Variants in LRRTM4 observed in about 807,000 individuals in gnomAD.
The protein encoded by LRRTM4 is leucine-rich repeat transmembrane neuronal protein 4.
Under a neutral mutation model 47.6 loss-of-function variants are expected in LRRTM4, and 25 were observed. The ratio of observed to expected loss-of-function variants is 0.53; its 90% CI spans 0.38 to 0.73. LRRTM4 has a LOEUF of 0.73. Among genes scored for constraint, LRRTM4 ranks in the 30% least tolerant of loss-of-function variants. The pLI, the probability that LRRTM4 is intolerant of heterozygous loss-of-function variation, is 0.00. For missense variants in LRRTM4, 638 were observed against 713.4 expected (o/e 0.89, Z 1.20); for synonymous variants, 311 against 269.5 (o/e 1.15, Z -1.51).
intron 3 of LRRTM4, among the ~76,000 whole-genome samples, chr2:77,383,574 T>C (rs1404659172): frequency 6.6e-6 from 1 of 152,084 alleles, no homozygotes; most frequent in African/African-American, 2.4e-5. Flanking sequence ...TAATACAAAG[T>C]AAATATGATT....
At chr2:76,785,425 C>G (rs530603128) in intron 3 of LRRTM4, among the ~76,000 whole-genome samples, 5 of 152,178 alleles carry the variant, frequency 3.3e-5, no homozygotes, top group Admixed American at 3.3e-4. Context: ...GGAGCACTTC[C>G]AGTAAAGGCA....
At chr2:77,450,441 A>T (rs1448482629) in intron 3 of LRRTM4, among the ~76,000 whole-genome samples, 1 of 152,162 alleles carries the variant, frequency 6.6e-6, no homozygotes, top group East Asian at 1.9e-4. Context: ...CTTAAACCTA[A>T]ATTTCAATCT....
intron 3 of LRRTM4, among the ~76,000 whole-genome samples, chr2:77,074,606 C>A (rs1352152727): frequency 6.6e-6 from 1 of 151,976 alleles, no homozygotes; most frequent in East Asian, 1.9e-4. Flanking sequence ...ATATATCTGG[C>A]TGGATATATT....
At position 76,748,892 on chromosome 2, in the gene LRRTM4, G is replaced by T. The variant is rs779403740; in HGVS notation, c.1576C>A (p.Pro526Thr). The change falls in exon 4 of 4, where the codon CCA becomes ACA. Residue 526 changes from proline to threonine, a missense_variant. By Grantham distance (38) the Pro-to-Thr change is conservative (BLOSUM62 -1). Coordinates refer to ENST00000409884, the MANE Select transcript of LRRTM4 (RefSeq NM_001134745.3). ...CEMPHHMKPL[P>T]YYSYDQPVIG... ...ACAGGCTGGTCATAGCTGTAATATG[G>T]CAAGGGCTTCATGTGGTGTGGCATC... 2 of 1,613,990 alleles carry T rather than the reference G, an allele frequency of 1.2e-6. No homozygotes were observed. The highest frequency in any genetic ancestry group is 8.5e-7 in the Non-Finnish European group (1 of 1,179,878).
At chr2:76,995,949 A>T (rs1423714435) in intron 3 of LRRTM4, among the ~76,000 whole-genome samples, 1 of 152,254 alleles carries the variant, frequency 6.6e-6, no homozygotes, top group Non-Finnish European at 1.5e-5. Flanking sequence ...AAACTCAGGG[A>T]GAAATAATTA....
At chr2:77,088,145 A>T (rs1680788243) in intron 3 of LRRTM4, among the ~76,000 whole-genome samples, 1 of 152,188 alleles carries the variant, frequency 6.6e-6, no homozygotes, top group South Asian at 2.1e-4. Context: ...ATTTATTTTG[A>T]TTACTAAATT....
chr2:76,908,199 C>A (rs1673918775), intron 3 of LRRTM4, among the ~76,000 whole-genome samples: 1 of 150,604 alleles, frequency 6.6e-6, no homozygotes, highest in East Asian at 2.0e-4. Flanking sequence ...ATACGCAAAT[C>A]AATAAATGTA....
At chr2:77,364,750 A>G (rs548513466) in intron 3 of LRRTM4, among the ~76,000 whole-genome samples, 28 of 152,212 alleles carry the variant, frequency 1.8e-4, no homozygotes. Flanking sequence ...AAGGGGGCAT[A>G]TAAAATGAGT....
intron 3 of LRRTM4, among the ~76,000 whole-genome samples, chr2:77,193,189 C>A: frequency 6.6e-6 from 1 of 152,074 alleles, no homozygotes. Context: ...TACAGGTTTG[C>A]AGCATAGGAG....
intron 3 of LRRTM4, among the ~76,000 whole-genome samples, chr2:77,199,415 C>T (rs1233181610): frequency 6.6e-6 from 1 of 152,100 alleles, no homozygotes; most frequent in East Asian, 1.9e-4. Flanking sequence ...AGTCTGTGAG[C>T]TTAACCATTT....
chr2:77,345,746 T>C (rs1031683807), intron 3 of LRRTM4, among the ~76,000 whole-genome samples: 5 of 151,892 alleles, frequency 3.3e-5, no homozygotes, highest in African/African-American at 1.2e-4. Context: ...TTGGAAGTTT[T>C]TTTTAAAGTT....
intron 3 of LRRTM4, among the ~76,000 whole-genome samples, chr2:77,079,661 T>G (rs1680467616): frequency 6.6e-6 from 1 of 152,184 alleles, no homozygotes; most frequent in Non-Finnish European, 1.5e-5. Flanking sequence ...CTCAAATATT[T>G]ATTGTGTGCT....
chr2:76,779,284 G>C (rs1458636502), intron 3 of LRRTM4, among the ~76,000 whole-genome samples: 14 of 150,182 alleles, frequency 9.3e-5, no homozygotes, highest in African/African-American at 2.2e-4. Context: ...GGTCTGCTTG[G>C]TGCAGAGCTG....
At chr2:77,341,405 C>T (rs1436498915) in intron 3 of LRRTM4, among the ~76,000 whole-genome samples, 1 of 151,938 alleles carries the variant, frequency 6.6e-6, no homozygotes, top group Non-Finnish European at 1.5e-5. Context: ...GTGAACTCTG[C>T]TTAGTTTGAC....
intron 3 of LRRTM4, among the ~76,000 whole-genome samples, chr2:76,906,069 G>A (rs1673826278): frequency 1.3e-5 from 2 of 152,074 alleles, no homozygotes; most frequent in African/African-American, 4.8e-5. Flanking sequence ...TTGAAATGAA[G>A]GAAAAAATGT....
chr2:77,082,600 T>A (rs1171152048), intron 3 of LRRTM4, among the ~76,000 whole-genome samples: 3 of 151,988 alleles, frequency 2.0e-5, no homozygotes. Context: ...CTTAATAAAG[T>A]GAAAAACAGT....
chr2:77,044,074 A>C (rs1193285133), intron 3 of LRRTM4, among the ~76,000 whole-genome samples: 1 of 151,648 alleles, frequency 6.6e-6, no homozygotes, highest in Non-Finnish European at 1.5e-5. Context: ...AAAATAAATA[A>C]AGACAAAAAT....
intron 3 of LRRTM4, among the ~76,000 whole-genome samples, chr2:77,325,204 T>C (rs976678286): frequency 6.6e-6 from 1 of 152,150 alleles, no homozygotes; most frequent in Non-Finnish European, 1.5e-5. Flanking sequence ...GAATATTTTC[T>C]ATATCCAAAT....
intron 3 of LRRTM4, among the ~76,000 whole-genome samples, chr2:77,048,828 A>C (rs912923373): frequency 1.3e-4 from 19 of 151,624 alleles, no homozygotes; most frequent in Middle Eastern, 3.2e-3. Flanking sequence ...TGTTTATCCT[A>C]AACACCCTAT....
Sources: allele counts gnomAD v4.1 joint callset (sites outside exome capture counted in the v4.1 genomes callset), GRCh38; gene constraint gnomAD v4.1.1; transcripts MANE v1.5; gene names NCBI Gene and HGNC (gene_info 2026-07-23, HGNC 2026-07-21).